Variants in PROM1 observed in about 807,000 individuals in gnomAD.
The protein encoded by PROM1 is prominin 1.
PROM1 carries 105 observed loss-of-function variants against 116.9 expected under a neutral mutation model. The observed-to-expected ratio is 0.90, with a 90% CI of 0.77 to 1.06. The LOEUF (loss-of-function observed/expected upper bound fraction) is 1.06. Among genes scored for constraint, PROM1 ranks in the 50% least tolerant of loss-of-function variants. PROM1 has a pLI of 0.00. For missense variants in PROM1, 1,122 were observed against 1,045.2 expected (o/e 1.07, Z -1.01); for synonymous variants, 393 against 387.0 (o/e 1.02, Z -0.18).
chr4:15,985,935 T>C, intron 21 of PROM1, 22 bp downstream of exon 21: 1 of 1,498,134 alleles, frequency 6.7e-7, no homozygotes, highest in East Asian at 2.3e-5. Context: ...TGGACACGCT[T>C]ACTTTAAAAA....
At chr4:15,977,905 T>C (rs1716619689) in intron 26 of PROM1, among the ~76,000 whole-genome samples, 1 of 152,176 alleles carries the variant, frequency 6.6e-6, no homozygotes, top group African/African-American at 2.4e-5. Context: ...GCCAAGAACT[T>C]GATTTTTTTA....
chr4:15,995,340 CGAA>C (rs919590933), intron 15 of PROM1, among the ~76,000 whole-genome samples: 7 of 89,852 alleles, frequency 7.8e-5, no homozygotes, highest in East Asian at 2.8e-4. Flanking sequence ...ACGAAGAAGA[CGAA>C]GAAGAAGAAG....
At chr4:16,015,999 GA>G (rs1728287875) in intron 10 of PROM1, among the ~76,000 whole-genome samples, 166 bp downstream of exon 10, 1 of 152,080 alleles carries the variant, frequency 6.6e-6, no homozygotes, top group Non-Finnish European at 1.5e-5. Context: ...AAAATTCTGG[GA>G]ACTGGAAGGA....
At chr4:15,989,268 A>T (rs1720320125) in intron 19 of PROM1, among the ~76,000 whole-genome samples, 1 of 152,190 alleles carries the variant, frequency 6.6e-6, no homozygotes, top group Non-Finnish European at 1.5e-5. Flanking sequence ...AGAAGCCAGA[A>T]GGTGGTGAGA....
intron 22 of PROM1, 174 bp downstream of exon 22, chr4:15,985,586 T>C (rs1220341180): frequency 3.1e-5 from 19 of 618,864 alleles, no homozygotes; most frequent in Non-Finnish European, 3.4e-5. Flanking sequence ...GAGGTGGCTG[T>C]CCTCTGACCT....
rs1301058212 is a variant in PROM1, at chr4:16,033,339, A to G, written c.474T>C (p.Phe158=). Residue 158 remains phenylalanine, a synonymous_variant, in exon 5 of 28, where the codon TTT becomes TTC. Transcript: ENST00000447510. The part of the protein sequence containing the change: ...KENGPFLRKC[F]AISLLVICII... Reference sequence around the variant, plus strand: ...TACAAATCACCAACAGGGAGATTGCAAAGCATTTCCTCAGGAAGGGCCCAT... The same window carrying G: ...TACAAATCACCAACAGGGAGATTGCGAAGCATTTCCTCAGGAAGGGCCCAT... 1 of 1,613,866 alleles carries G rather than the reference A, an allele frequency of 6.2e-7. No individual in the cohort carries two copies. Among genetic ancestry groups the G allele is most frequent in the Non-Finnish European group, 8.5e-7 (1 of 1,179,830 alleles).
intron 2 of PROM1, among the ~76,000 whole-genome samples, chr4:16,069,038 C>T (rs145659339): frequency 7.2e-5 from 11 of 152,274 alleles, no homozygotes; most frequent in African/African-American, 2.6e-4. Context: ...AGTTCAAGAC[C>T]AGCCTAGCCA....
intron 7 of PROM1, 61 bp downstream of exon 7, chr4:16,024,234 T>TAA: frequency 7.0e-7 from 1 of 1,437,176 alleles, no homozygotes; most frequent in Non-Finnish European, 9.7e-7. Flanking sequence ...TAGTCCATGT[T>TAA]TTATGGGAGA....
rs538957698 is a variant in PROM1, at chr4:16,031,528, T to A, written c.509+1776A>T. On this transcript the variant is annotated intron_variant, in intron 5 of 27. Coordinates refer to ENST00000447510, the MANE Select transcript of PROM1 (RefSeq NM_006017.3). ...TTTGGAATGACCACTACTGACCTGA[T>A]CCCAAACTGCCTCTCAAAATCAAAT... is the stretch of plus-strand genomic sequence containing the variant. Among the ~76,000 whole-genome samples the A allele has an allele frequency of 3.4e-3, 523 of 151,844 alleles. 2 individuals are homozygous for A. Among genetic ancestry groups the A allele is most frequent in the African/African-American group, 0.012 (500 of 41,402 alleles).
intron 3 of PROM1, among the ~76,000 whole-genome samples, chr4:16,036,167 A>G (rs892688813): frequency 3.3e-5 from 5 of 152,216 alleles, no homozygotes; most frequent in East Asian, 3.8e-4. Context: ...TTCTAAAATA[A>G]AAATCTGATG....
Position 16,000,752 on chromosome 4 carries a change from C to A in PROM1, c.1455-133G>T, listed in dbSNP as rs111651783. 35 of 742,292 alleles carry A rather than the reference C, an allele frequency of 4.7e-5. No individual in the cohort carries two copies. The African/African-American group carries it at 4.9e-4, about 10-fold the overall frequency. The allele number at this position is 742,292 out of a possible 1,614,324, so 46.0% of individuals were successfully genotyped here. A position where few individuals can be genotyped will look rare whatever the true frequency, so the allele number is the denominator to read the frequency against. ...TGTTATTCAGGTGAAACAGATCATC[C>A]ACCTAGGAGTGACACAGGGCTTGGG... is the stretch of plus-strand genomic sequence containing the variant. On this transcript the variant is annotated intron_variant, in intron 13 of 27. Transcript: ENST00000447510.
chr4:15,988,682 C>T (rs1270632514), intron 19 of PROM1, among the ~76,000 whole-genome samples: 1 of 152,108 alleles, frequency 6.6e-6, no homozygotes, highest in African/African-American at 2.4e-5. Flanking sequence ...GCCAAAGGGT[C>T]CTGTGTACTT....
intron 11 of PROM1, 55 bp from the exon 12 acceptor site, chr4:16,009,163 T>A: frequency 1.3e-6 from 2 of 1,519,926 alleles, no homozygotes. Flanking sequence ...AAATAGAAAC[T>A]TTGTTTTGGA....
chr4:16,076,721 A>G, intron 1 of PROM1: 1 of 156,184 alleles, frequency 6.4e-6, no homozygotes, highest in Non-Finnish European at 1.4e-5. Context: ...TAGACATAGG[A>G]GACTCCATTT....
intron 9 of PROM1, among the ~76,000 whole-genome samples, chr4:16,017,241 T>C (rs1366817337): frequency 6.6e-6 from 1 of 152,168 alleles, no homozygotes; most frequent in Non-Finnish European, 1.5e-5. Context: ...AAGCAAATGG[T>C]GCAAAATCGT....
At chr4:16,013,472 C>T (rs1727446012) in intron 10 of PROM1, 134 bp from the exon 11 acceptor site, 3 of 638,792 alleles carry the variant, frequency 4.7e-6, no homozygotes, top group African/African-American at 3.6e-5. Context: ...GTGAAATGAT[C>T]ATTATATGGT....
intron 3 of PROM1, among the ~76,000 whole-genome samples, chr4:16,037,344 C>T (rs1274080859): frequency 6.6e-6 from 1 of 152,148 alleles, no homozygotes; most frequent in East Asian, 1.9e-4. Context: ...ATGCTTTCCA[C>T]GGTGCTGGGG....
At chr4:16,031,918 T>A (rs1732786654) in intron 5 of PROM1, among the ~76,000 whole-genome samples, 1 of 152,206 alleles carries the variant, frequency 6.6e-6, no homozygotes, top group African/African-American at 2.4e-5. Context: ...AGATTTTTTT[T>A]GTCACTGTTC....
chr4:16,059,901 A>G (rs891977961), intron 2 of PROM1, among the ~76,000 whole-genome samples: 1 of 152,058 alleles, frequency 6.6e-6, no homozygotes, highest in Non-Finnish European at 1.5e-5. Flanking sequence ...GTAGATCTAA[A>G]AAAATAAGGA....
Sources: allele counts gnomAD v4.1 joint callset (sites outside exome capture counted in the v4.1 genomes callset), GRCh38; gene constraint gnomAD v4.1.1; transcripts MANE v1.5; gene names NCBI Gene and HGNC (gene_info 2026-07-23, HGNC 2026-07-21).